The following CD200R1 variants were observed in gnomAD, a reference collection of about 807,000 sequenced individuals.
CD200R1 encodes cell surface glycoprotein CD200 receptor 1.
Under a neutral mutation model 38.1 loss-of-function variants are expected in CD200R1, and 30 were observed. The observed-to-expected ratio is 0.79, with a 90% CI of 0.59 to 1.07. CD200R1 has a LOEUF of 1.07. CD200R1 is among the 50% of genes least tolerant of loss of function. The pLI is 0.00. For missense variants in CD200R1, 372 were observed against 415.4 expected (o/e 0.90, Z 0.91); for synonymous variants, 128 against 152.1 (o/e 0.84, Z 1.16).
intron 2 of CD200R1, among the ~76,000 whole-genome samples, chr3:112,943,992 C>A (rs1940784598): frequency 6.6e-6 from 1 of 151,752 alleles, no homozygotes; most frequent in Admixed American, 6.6e-5. Flanking sequence ...TAAATTGAAT[C>A]AATAATTAAT....
intron 2 of CD200R1, among the ~76,000 whole-genome samples, chr3:112,947,179 C>G (rs1376352473): frequency 6.6e-6 from 1 of 152,102 alleles, no homozygotes; most frequent in Non-Finnish European, 1.5e-5. Flanking sequence ...TGAAATTACT[C>G]TATAAAATAT....
intron 2 of CD200R1, among the ~76,000 whole-genome samples, chr3:112,946,427 CTG>C (rs1270752848): frequency 6.6e-6 from 1 of 152,130 alleles, no homozygotes; most frequent in African/African-American, 2.4e-5. Flanking sequence ...CGATAAAAGA[CTG>C]TTATCCAAAA....
rs1201846566 is a variant in CD200R1 at position 112,923,368 on chromosome 3, CCTT to C, written c.*306_*308del. 4.2e-5 allele frequency: 8 copies of C among 189,778 alleles called. No homozygotes were observed. Among genetic ancestry groups the C allele is most frequent in the Non-Finnish European group, 1.1e-5 (1 of 93,170 alleles). The allele number at this position is 189,778 out of a possible 1,614,324, so 11.8% of individuals were successfully genotyped here. Reference sequence around the variant, plus strand: ...ACACAAGAAACTGTTCACACTTGCTCCTTCTTCAGTTATTTCTTGAGGAAATTT... The same window carrying C: ...ACACAAGAAACTGTTCACACTTGCTCCTTCAGTTATTTCTTGAGGAAATTT... On this transcript the variant is annotated 3_prime_UTR_variant, in exon 8 of 8. Coordinates refer to ENST00000308611, the MANE Select transcript of CD200R1 (RefSeq NM_138806.4).
chr3:112,923,711 T>G lies in CD200R1; in HGVS notation c.1013A>C (p.Gln338Pro). 6.2e-7 allele frequency: 1 copy of G among 1,603,544 alleles called. No individual in the cohort carries two copies. The highest frequency in any genetic ancestry group is 8.5e-7 in the Non-Finnish European group (1 of 1,171,850). ...TNKVKASEAL[Q>P]SEVDTDLHTL is the part of the protein sequence containing the mutation. ...ATGGAGGTCTGTGTCAACTTCACTT[T>G]GTAATGCCTCAGATGCCTTCACCTT... Residue 338 changes from glutamine (Q) to proline (P), a missense_variant, in exon 8 of 8, where the codon CAA becomes CCA. Gln to Pro is a moderately conservative substitution (Grantham distance 76). Coordinates refer to ENST00000308611, the MANE Select transcript of CD200R1 (RefSeq NM_138806.4).
In CD200R1 at chr3:112,923,727, C is replaced by G; in HGVS notation, c.997G>C (p.Ala333Pro). ...PLYDTTNKVK[A>P]SEALQSEVDT... ...ACTTCACTTTGTAATGCCTCAGATGCCTTCACCTTGTTTGTAGTATCATAG... is the reference window on the plus strand; with the variant it reads ...ACTTCACTTTGTAATGCCTCAGATGGCTTCACCTTGTTTGTAGTATCATAG... The change falls in exon 8 of 8, where the codon GCA (alanine) becomes CCA (proline). Residue 333 changes from alanine (A) to proline (P), a missense_variant. Ala to Pro is a conservative substitution (Grantham distance 27). Coordinates refer to ENST00000308611, the MANE Select transcript of CD200R1 (RefSeq NM_138806.4). 6.2e-7 allele frequency: 1 copy of G among 1,608,512 alleles called. No homozygotes were observed. Among genetic ancestry groups the G allele is most frequent in the East Asian group, 2.2e-5 (1 of 44,490 alleles).
chr3:112,933,873 G>A (rs1198566739), intron 2 of CD200R1, among the ~76,000 whole-genome samples: 11 of 151,962 alleles, frequency 7.2e-5, no homozygotes, highest in Admixed American at 3.3e-4. Context: ...CATAGAAAAC[G>A]TAGAGGAAAG....
intron 1 of CD200R1, among the ~76,000 whole-genome samples, chr3:112,965,729 C>T (rs1442152508): frequency 2.6e-5 from 4 of 151,716 alleles, no homozygotes; most frequent in East Asian, 1.9e-4. Context: ...CCACTGCACT[C>T]GAGCCTGGCG....
chr3:112,933,240 T>G (rs1036507142), intron 2 of CD200R1, among the ~76,000 whole-genome samples: 1 of 152,166 alleles, frequency 6.6e-6, no homozygotes, highest in Non-Finnish European at 1.5e-5. Flanking sequence ...CTAGCAGACA[T>G]GCCCTGAGGA....
chr3:112,957,775 C>T lies in CD200R1; in HGVS notation c.68-9851G>A, dbSNP rs145430499. 1.4e-3 allele frequency among the ~76,000 whole-genome samples: 219 copies of T among 152,156 alleles called. 10 individuals are homozygous for T. In the East Asian group the frequency reaches 0.033, roughly 23 times the overall value. ...ACTGCTATGTAGAATATGTAAAGAA[C>T]GGTTACAATTCAATAACTTTAAAAG... On this transcript the variant is annotated intron_variant, in intron 1 of 7. Coordinates refer to ENST00000308611, the MANE Select transcript of CD200R1 (RefSeq NM_138806.4).
Position 112,931,051 on chromosome 3 carries a change from A to C in CD200R1, c.202+55T>G, listed in dbSNP as rs539330816. On this transcript the variant is annotated intron_variant, in intron 3 of 7. Transcript: ENST00000308611. The stretch of plus-strand genomic sequence containing the variant: ...GTCAGGTCATTAGCTAATATTTCTA[A>C]GGAAGTTCAACTTTCCATCCCTAGG... The C allele has an allele frequency of 2.4e-6, 3 of 1,250,960 alleles. No homozygotes were observed. The Admixed American group carries it at 5.1e-5, about 21-fold the overall frequency. The allele number at this position is 1,250,960 out of a possible 1,614,324, so 77.5% of individuals were successfully genotyped here. A position where few individuals can be genotyped will look rare whatever the true frequency, so the allele number is the denominator to read the frequency against.
intron 1 of CD200R1, among the ~76,000 whole-genome samples, chr3:112,964,869 T>C (rs932333978): frequency 6.6e-6 from 1 of 152,134 alleles, no homozygotes; most frequent in Non-Finnish European, 1.5e-5. Context: ...GTGGGAGGTA[T>C]TTGAACCATG....
chr3:112,937,446 G>A (rs1940610940), intron 2 of CD200R1, among the ~76,000 whole-genome samples: 1 of 123,444 alleles, frequency 8.1e-6, no homozygotes, highest in South Asian at 2.8e-4. Context: ...ATTAAATAGG[G>A]AATCCTTTCC....
rs1940253501 is a variant in CD200R1 at position 112,925,132 on chromosome 3, A to C, written c.831T>G (p.Ile277Met). ...YIPYIILTII[I>M]LTIVGFIWLL... ...ACCAAATGAATCCCACGATGGTCAA[A>C]ATAATAATAGTAAGGATGATATATG... Residue 277 changes from isoleucine (I) to methionine (M), a missense_variant, in exon 6 of 8, where the codon ATT becomes ATG. Coordinates refer to ENST00000308611, the MANE Select transcript of CD200R1 (RefSeq NM_138806.4). 1 of 1,608,432 alleles carries C rather than the reference A, an allele frequency of 6.2e-7. No homozygotes were observed. Among genetic ancestry groups the C allele is most frequent in the African/African-American group, 1.3e-5 (1 of 74,722 alleles).
intron 1 of CD200R1, among the ~76,000 whole-genome samples, chr3:112,954,878 G>A (rs1941054515): frequency 1.3e-5 from 2 of 152,102 alleles, no homozygotes. Flanking sequence ...CAAAGGAGGG[G>A]GTCATGGGAA....
chr3:112,931,119 T>G lies in CD200R1; in HGVS notation c.189A>C (p.Lys63Asn). The change falls in exon 3 of 8, where the codon AAA becomes AAC. Residue 63 changes from lysine (K) to asparagine (N), a missense_variant. By Grantham distance (94) the Lys-to-Asn change is moderately conservative. Coordinates refer to ENST00000308611, the MANE Select transcript of CD200R1 (RefSeq NM_138806.4). ...GAAGCATATTACCTTCTGCGAGTACTTTCGAGTAGTTCTGTGTAATCTGTT... is the reference window on the plus strand; with the variant it reads ...GAAGCATATTACCTTCTGCGAGTACGTTCGAGTAGTTCTGTGTAATCTGTT... ...DEKQITQNYS[K>N]VLAEVNTSWP... The G allele has an allele frequency of 1.2e-6, 2 of 1,610,430 alleles. No homozygotes were observed. Among genetic ancestry groups the G allele is most frequent in the Non-Finnish European group, 1.7e-6 (2 of 1,176,634 alleles).
chr3:112,971,924 C>T (rs2107350638), intron 1 of CD200R1, among the ~76,000 whole-genome samples: 2 of 152,234 alleles, frequency 1.3e-5, no homozygotes, highest in South Asian at 4.1e-4. Flanking sequence ...AGACCCATCT[C>T]CATAAAATCC....
At position 112,929,046 on chromosome 3, in the gene CD200R1, A is replaced by G. The variant is rs761374726; in HGVS notation, c.539T>C (p.Leu180Pro). 1 of 1,613,932 alleles carries G rather than the reference A, an allele frequency of 6.2e-7. No homozygotes were observed. The highest frequency in any genetic ancestry group is 1.7e-5 in the Admixed American group (1 of 59,998). ...TGCAGTTCTATTCCTGTTTTGAAAC[A>G]GGGTCACTTCAGGTGTAACTGCAGA... Reference protein sequence around the residue: ...LQVLVTPEVTLFQNRNRTAVC... With the variant: ...LQVLVTPEVTPFQNRNRTAVC... Residue 180 changes from leucine (L) to proline (P), a missense_variant, in exon 5 of 8, where the codon CTG (leucine) becomes CCG (proline). Transcript: ENST00000308611.
chr3:112,933,847 G>A (rs747241414), intron 2 of CD200R1, among the ~76,000 whole-genome samples: 2 of 151,958 alleles, frequency 1.3e-5, no homozygotes, highest in African/African-American at 2.4e-5. Context: ...TAAAAAATAC[G>A]ATTTTTCAAC....
intron 5 of CD200R1, among the ~76,000 whole-genome samples, chr3:112,926,678 A>G (rs1355321093): frequency 1.3e-5 from 2 of 152,170 alleles, no homozygotes; most frequent in Non-Finnish European, 2.9e-5. Flanking sequence ...ACCTACACAT[A>G]TGACTTAAAT....
Sources: gnomAD v4.1 joint callset for allele counts (sites outside exome capture counted in the v4.1 genomes callset) on GRCh38, gnomAD v4.1.1 for gene constraint, MANE v1.5 for transcripts, NCBI Gene and HGNC (gene_info 2026-07-23, HGNC 2026-07-21) for gene names.